NLRP8: variants seen among roughly 807,000 people sequenced by gnomAD.
NLRP8 encodes the protein NACHT, LRR and PYD domains-containing protein 8.
A neutral mutation model predicts 88.7 loss-of-function variants in NLRP8; 86 were observed. The observed-to-expected ratio is 0.97, with a 90% CI of 0.81 to 1.16. The LOEUF is 1.16. Ranked by LOEUF, NLRP8 falls within the 50% of genes most tolerant of loss-of-function variation. The pLI, the probability that NLRP8 is intolerant of heterozygous loss-of-function variation, is 0.00. For missense variants in NLRP8, 1,342 were observed against 1,286.5 expected (o/e 1.04, Z -0.66); for synonymous variants, 504 against 494.6 (o/e 1.02, Z -0.25).
rs761944940 is a variant in NLRP8 at position 55,952,613 on chromosome 19, G to C, written c.442+1G>C. ...GTGAATCTGGAGGAAGGAGAATCTG[G>C]TATGTGCCTGTATCACAGCAGACCC... On this transcript the variant is annotated splice_donor_variant, in intron 2 of 9. Coordinates refer to ENST00000291971, the MANE Select transcript of NLRP8 (RefSeq NM_176811.2). LOFTEE classifies it high-confidence loss of function. 8 of 1,612,720 alleles carry C rather than the reference G, an allele frequency of 5.0e-6. No individual in the cohort carries two copies. In the Admixed American group the frequency reaches 1.3e-4, roughly 27 times the overall value.
At position 55,962,206 on chromosome 19, in the gene NLRP8, A is replaced by G; in HGVS notation, c.2182A>G (p.Arg728Gly). 6.2e-7 allele frequency: 1 copy of G among 1,613,970 alleles called. No individual in the cohort carries two copies. Among genetic ancestry groups the G allele is most frequent in the South Asian group, 1.1e-5 (1 of 91,074 alleles). Residue 728 changes from arginine to glycine, a missense_variant, in exon 4 of 10, where the codon AGG becomes GGG. Coordinates refer to ENST00000291971, the MANE Select transcript of NLRP8 (RefSeq NM_176811.2). ...TTTGAAGGCTCTCGCGGCCGCACTG[A>G]GGCACCCTCAGTGCAAACTGCAAAA...
In NLRP8 at chr19:55,954,613, C is replaced by T. The variant is rs112109260; in HGVS notation, c.555C>T (p.His185=). Residue 185 remains histidine (H), a synonymous_variant, in exon 3 of 10, where the codon CAC becomes CAT. Transcript: ENST00000291971. ...TCTTCTACCAAGGTGTACACAGGCA[C>T]GAGGAGTACTTACCATGTCTGCTTC... 49 of 1,614,104 alleles carry T rather than the reference C, an allele frequency of 3.0e-5. No homozygotes were observed. The highest frequency in any genetic ancestry group is 4.5e-5 in the East Asian group (2 of 44,886).
Position 55,988,086 on chromosome 19 carries a change from CTGTG to C in NLRP8, c.*177_*180del. On this transcript the variant is annotated 3_prime_UTR_variant, in exon 10 of 10. Coordinates refer to ENST00000291971, the MANE Select transcript of NLRP8 (RefSeq NM_176811.2). ...ACCCTGGAGTGAGGACGGTGATGCC[CTGTG>C]TGTATTAATATGCTATGTAAGGCTG... 1 of 586,846 alleles carries C rather than the reference CTGTG, an allele frequency of 1.7e-6. No homozygotes were observed. The highest frequency in any genetic ancestry group is 4.5e-4 in the Middle Eastern group (1 of 2,224). 36.4% of individuals were successfully genotyped at this position (586,846 alleles called of 1,614,324 possible). A position where few individuals can be genotyped will look rare whatever the true frequency, so the allele number is the denominator to read the frequency against.
At chr19:55,967,909 G>T (rs1437322212) in intron 5 of NLRP8, among the ~76,000 whole-genome samples, 1 of 152,112 alleles carries the variant, frequency 6.6e-6, no homozygotes, top group South Asian at 2.1e-4. Context: ...CACTGCTAGG[G>T]TGCAGCAAAC....
intron 9 of NLRP8, among the ~76,000 whole-genome samples, chr19:55,981,148 G>A (rs1256373970): frequency 6.6e-6 from 1 of 152,128 alleles, no homozygotes; most frequent in Non-Finnish European, 1.5e-5. Flanking sequence ...ATACAGGACT[G>A]GAATTCTTAG....
rs561906609 is a variant in NLRP8, at chr19:55,973,654, T to G, written c.2537T>G (p.Ile846Arg). 6.2e-7 allele frequency: 1 copy of G among 1,607,042 alleles called. No individual in the cohort carries two copies. The highest frequency in any genetic ancestry group is 1.7e-5 in the Admixed American group (1 of 59,590). ...ATCTGTGTGCTTCTCTCCCATAGGATAGAGAACTGCAACCTTACACAGCTT... is the reference window on the plus strand; with the variant it reads ...ATCTGTGTGCTTCTCTCCCATAGGAGAGAGAACTGCAACCTTACACAGCTT... The change falls in exon 7 of 10, where the codon ATA (isoleucine) becomes AGA (arginine). Residue 846 changes from isoleucine (I) to arginine (R), a missense_variant and splice_region_variant. By Grantham distance (97) the Ile-to-Arg change is moderately conservative (BLOSUM62 -3). Coordinates refer to ENST00000291971, the MANE Select transcript of NLRP8 (RefSeq NM_176811.2).
At chr19:55,975,996 C>A in intron 7 of NLRP8, 137 bp from the exon 8 acceptor site, 1 of 871,242 alleles carries the variant, frequency 1.1e-6, no homozygotes, top group Non-Finnish European at 1.7e-6. Context: ...AAACAAAAAA[C>A]AAACAAACAA....
At chr19:55,981,366 T>A (rs1042368547) in intron 9 of NLRP8, among the ~76,000 whole-genome samples, 6 of 152,186 alleles carry the variant, frequency 3.9e-5, no homozygotes, top group Non-Finnish European at 8.8e-5. Flanking sequence ...TTATGGAGTG[T>A]CATGTGTTAA....
chr19:55,956,013 G>A lies in NLRP8; in HGVS notation c.1955G>A (p.Cys652Tyr), dbSNP rs774026324. Residue 652 changes from cysteine to tyrosine, a missense_variant, in exon 3 of 10, where the codon TGT becomes TAT. Transcript: ENST00000291971. Reference sequence around the variant, plus strand: ...GTGTCTGCTTTTTGCCTGAAGCGGTGTCAATATTTGCATGAGGTGGAACTG... The same window carrying A: ...GTGTCTGCTTTTTGCCTGAAGCGGTATCAATATTTGCATGAGGTGGAACTG... The A allele has an allele frequency of 1.9e-6, 3 of 1,614,026 alleles. No homozygotes were observed. The highest frequency in any genetic ancestry group is 2.2e-5 in the East Asian group (1 of 44,894).
intron 4 of NLRP8, among the ~76,000 whole-genome samples, chr19:55,964,705 T>C (rs1979761736): frequency 6.6e-6 from 1 of 151,132 alleles, no homozygotes; most frequent in Admixed American, 6.6e-5. Flanking sequence ...TGAGCCGAGA[T>C]TGCGCCACTG....
At chr19:55,952,493 A>C in intron 1 of NLRP8, 45 bp from the exon 2 acceptor site, 5 of 1,525,684 alleles carry the variant, frequency 3.3e-6, no homozygotes, top group African/African-American at 1.4e-5. Flanking sequence ...CCTGCTACCA[A>C]GATCTTATCA....
chr19:55,973,845 C>T (rs1165578889), intron 7 of NLRP8, 23 bp downstream of exon 7: 1 of 1,598,114 alleles, frequency 6.3e-7, no homozygotes, highest in Non-Finnish European at 8.6e-7. Context: ...ATGTTTTCTT[C>T]TCTGAATTCC....
chr19:55,969,609 T>C (rs1488801803), intron 5 of NLRP8, among the ~76,000 whole-genome samples: 3 of 152,196 alleles, frequency 2.0e-5, no homozygotes, highest in East Asian at 1.9e-4. Context: ...TCTTTTCCTC[T>C]GTGTAGATGC....
In NLRP8 at chr19:55,962,072, C is replaced by T. The variant is rs1371725562; in HGVS notation, c.2048C>T (p.Pro683Leu). 4.3e-6 allele frequency: 7 copies of T among 1,613,812 alleles called. No individual in the cohort carries two copies. The highest frequency in any genetic ancestry group is 1.1e-5 in the South Asian group (1 of 91,066). ...CTCTTCTCCCTTCCATGTAGAGCGCCAGAGAGCAATGGGCTGCATCGTTGG... is the reference window on the plus strand; with the variant it reads ...CTCTTCTCCCTTCCATGTAGAGCGCTAGAGAGCAATGGGCTGCATCGTTGG... The change falls in exon 4 of 10, where the codon CCA (proline) becomes CTA (leucine). Residue 683 changes from proline (P) to leucine (L), a missense_variant. Coordinates refer to ENST00000291971, the MANE Select transcript of NLRP8 (RefSeq NM_176811.2).
intron 9 of NLRP8, among the ~76,000 whole-genome samples, chr19:55,987,123 C>G (rs951293377): frequency 6.6e-6 from 1 of 152,212 alleles, no homozygotes; most frequent in South Asian, 2.1e-4. Context: ...AATCCCAGCA[C>G]TTTGGGAGGC....
chr19:55,976,199 A>G lies in NLRP8; in HGVS notation c.2772A>G (p.Lys924=). The G allele has an allele frequency of 6.2e-7, 1 of 1,613,786 alleles. No individual in the cohort carries two copies. Among genetic ancestry groups the G allele is most frequent in the Non-Finnish European group, 8.5e-7 (1 of 1,179,958 alleles). Residue 924 remains lysine, a synonymous_variant, in exon 8 of 10, where the codon AAA becomes AAG. Transcript: ENST00000291971. ...TGATCTCTGCGCTCTGTAAAAATAA[A>G]ACCCTGAAAAGTCTTGACCTAAGTT...
At position 55,973,677 on chromosome 19, in the gene NLRP8, C is replaced by T; in HGVS notation, c.2560C>T (p.Leu854Phe). 6.2e-7 allele frequency: 1 copy of T among 1,613,572 alleles called. No homozygotes were observed. Among genetic ancestry groups the T allele is most frequent in the Non-Finnish European group, 8.5e-7 (1 of 1,179,642 alleles). ...GATAGAGAACTGCAACCTTACACAG[C>T]TTACTTGTGAAAGCCTTGCCTCCTG... The change falls in exon 7 of 10, where the codon CTT (leucine) becomes TTT (phenylalanine). Residue 854 changes from leucine (L) to phenylalanine (F), a missense_variant. Physicochemically the swap from Leu to Phe is conservative, Grantham distance 22 (BLOSUM62 0). Transcript: ENST00000291971.
At chr19:55,960,214 G>A (rs1427760913) in intron 3 of NLRP8, among the ~76,000 whole-genome samples, 2 of 152,120 alleles carry the variant, frequency 1.3e-5, no homozygotes, top group African/African-American at 4.8e-5. Flanking sequence ...TACCCACTCA[G>A]TCGGTGCTGA....
At chr19:55,984,895 G>GA (rs1980738630) in intron 9 of NLRP8, among the ~76,000 whole-genome samples, 1 of 152,138 alleles carries the variant, frequency 6.6e-6, no homozygotes, top group South Asian at 2.1e-4. Context: ...TCATGAATGG[G>GA]AACACTGTCT....
Sources: gnomAD v4.1 joint callset for allele counts (sites outside exome capture counted in the v4.1 genomes callset) on GRCh38, gnomAD v4.1.1 for gene constraint, MANE v1.5 for transcripts, NCBI Gene and HGNC (gene_info 2026-07-23, HGNC 2026-07-21) for gene names.